CLIC4: variants seen among roughly 807,000 people sequenced by gnomAD.
The protein encoded by CLIC4 is chloride intracellular channel protein 4.
In CLIC4, 13 loss-of-function variants were observed where a neutral mutation model predicts 24.6. The ratio of observed to expected loss-of-function variants is 0.53; its 90% CI spans 0.34 to 0.84. The LOEUF (loss-of-function observed/expected upper bound fraction) is 0.84, where lower values mean the gene tolerates loss of function less well. CLIC4 is among the 40% of genes least tolerant of loss of function. The probability of loss-of-function intolerance (pLI) is 0.01; values close to 1 mark genes in which losing one functional copy is unlikely to be tolerated. For missense variants in CLIC4, 227 were observed against 301.7 expected (o/e 0.75, Z 1.83); for synonymous variants, 104 against 111.3 (o/e 0.93, Z 0.41).
At chr1:24,770,800 G>A (rs1639062128) in intron 1 of CLIC4, among the ~76,000 whole-genome samples, 1 of 151,876 alleles carries the variant, frequency 6.6e-6, no homozygotes, top group Non-Finnish European at 1.5e-5. Flanking sequence ...TGTGAGGCTG[G>A]ACTCATCTTT....
At chr1:24,826,238 T>G (rs1365079033) in intron 3 of CLIC4, among the ~76,000 whole-genome samples, 1 of 152,186 alleles carries the variant, frequency 6.6e-6, no homozygotes, top group Admixed American at 6.5e-5. Context: ...GACATCTCAT[T>G]TTGTTGTTGT....
chr1:24,750,833 C>T (rs762761001), intron 1 of CLIC4, among the ~76,000 whole-genome samples: 48 of 152,124 alleles, frequency 3.2e-4, no homozygotes, highest in Non-Finnish European at 6.5e-4. Flanking sequence ...ATGTCTAGTA[C>T]ACAGTAAGCA....
chr1:24,783,208 A>G (rs1329036706), intron 1 of CLIC4, among the ~76,000 whole-genome samples: 1 of 152,140 alleles, frequency 6.6e-6, no homozygotes, highest in Non-Finnish European at 1.5e-5. Flanking sequence ...ATTTCAATAA[A>G]TTAATCTCTC....
intron 1 of CLIC4, among the ~76,000 whole-genome samples, chr1:24,748,667 T>C (rs1419798519): frequency 1.3e-5 from 2 of 151,840 alleles, no homozygotes; most frequent in East Asian, 3.9e-4. Flanking sequence ...GCCTGGCTGA[T>C]TTTTGTATTT....
At chr1:24,800,789 C>T (rs1318714312) in intron 2 of CLIC4, among the ~76,000 whole-genome samples, 3 of 152,172 alleles carry the variant, frequency 2.0e-5, no homozygotes, top group Non-Finnish European at 2.9e-5. Flanking sequence ...CTCTCTGAAA[C>T]GTGTGCTGTG....
chr1:24,799,239 TGAG>T (rs1639443961), intron 2 of CLIC4, among the ~76,000 whole-genome samples: 1 of 148,970 alleles, frequency 6.7e-6, no homozygotes, highest in South Asian at 2.1e-4. Flanking sequence ...ATCTAGGAAG[TGAG>T]GAGCGTCTCT....
rs116666142 is a variant in CLIC4, at chr1:24,753,348, A to G, written c.72+7723A>G. Among the ~76,000 whole-genome samples the G allele has an allele frequency of 8.5e-3, 1,291 of 152,348 alleles. 21 individuals are homozygous for G. The highest frequency in any genetic ancestry group is 0.03 in the African/African-American group (1,243 of 41,574). On this transcript the variant is annotated intron_variant, in intron 1 of 5. Transcript: ENST00000374379. ...ACTATGGAAGATATAAGAAATTATT[A>G]AACAGTTAATTTCTTTAGGTTTACA... is the stretch of plus-strand genomic sequence containing the variant.
chr1:24,832,215 T>G (rs200049401), intron 4 of CLIC4, among the ~76,000 whole-genome samples: 3,952 of 4,320 alleles, frequency 0.91, 1,811 homozygotes, highest in Middle Eastern at 1. Context: ...TTATTTTTTT[T>G]ATTTTTTATT....
chr1:24,836,848 A>G (rs988126857), intron 4 of CLIC4, among the ~76,000 whole-genome samples: 18 of 152,346 alleles, frequency 1.2e-4, no homozygotes, highest in Middle Eastern at 3.4e-3. Context: ...CAAAAATGAA[A>G]AAAACAAAAG....
intron 2 of CLIC4, among the ~76,000 whole-genome samples, chr1:24,807,865 T>C (rs543054520): frequency 6.6e-6 from 1 of 152,316 alleles, no homozygotes; most frequent in Non-Finnish European, 1.5e-5. Flanking sequence ...ATTATAAAAA[T>C]GTTAATGGAT....
At position 24,797,783 on chromosome 1, in the gene CLIC4, C is replaced by T. The variant is rs11538926; in HGVS notation, c.114C>T (p.Ser38=). 12 of 1,613,298 alleles carry T rather than the reference C, an allele frequency of 7.4e-6. No homozygotes were observed. Among genetic ancestry groups the T allele is most frequent in the South Asian group, 5.5e-5 (5 of 90,930 alleles). Residue 38 remains serine (S), a synonymous_variant, in exon 2 of 6, where the codon TCC becomes TCT. Coordinates refer to ENST00000374379, the MANE Select transcript of CLIC4 (RefSeq NM_013943.3). ...DGESIGNCPF[S]QRLFMILWLK... ...AAAGCATAGGAAACTGCCCCTTTTC[C>T]CAGAGGCTCTTCATGATTCTTTGGC...
intron 1 of CLIC4, among the ~76,000 whole-genome samples, chr1:24,781,541 G>T (rs1051863340): frequency 2.6e-5 from 4 of 152,040 alleles, no homozygotes; most frequent in Non-Finnish European, 5.9e-5. Flanking sequence ...TCACATAAGG[G>T]TCCAGATTTA....
intron 1 of CLIC4, among the ~76,000 whole-genome samples, chr1:24,792,583 A>G (rs1639352841): frequency 6.6e-6 from 1 of 152,202 alleles, no homozygotes; most frequent in African/African-American, 2.4e-5. Flanking sequence ...GACTTTGGAA[A>G]AAGTTGTTCA....
chr1:24,805,122 A>G (rs1173112185), intron 2 of CLIC4, among the ~76,000 whole-genome samples: 2 of 151,628 alleles, frequency 1.3e-5, no homozygotes, highest in African/African-American at 4.8e-5. Flanking sequence ...AACAAAGACA[A>G]ACGAATTATG....
At chr1:24,769,967 CT>C (rs1344158794) in intron 1 of CLIC4, among the ~76,000 whole-genome samples, 1 of 151,938 alleles carries the variant, frequency 6.6e-6, no homozygotes, top group African/African-American at 2.4e-5. Context: ...AGTGATCCTC[CT>C]CCTTTAGCTC....
intron 2 of CLIC4, among the ~76,000 whole-genome samples, chr1:24,799,581 C>A (rs1490660502): frequency 1.3e-5 from 2 of 150,214 alleles, no homozygotes; most frequent in Non-Finnish European, 3.0e-5. Context: ...GGCCAGCCGC[C>A]CCGTCGGGGA....
intron 1 of CLIC4, among the ~76,000 whole-genome samples, chr1:24,761,259 A>G (rs1024588651): frequency 6.6e-5 from 10 of 152,144 alleles, no homozygotes; most frequent in Admixed American, 6.6e-5. Context: ...CATAGAACCT[A>G]TCATCTACTT....
intron 4 of CLIC4, among the ~76,000 whole-genome samples, chr1:24,837,927 T>C (rs973978830): frequency 6.6e-6 from 1 of 152,172 alleles, no homozygotes; most frequent in Non-Finnish European, 1.5e-5. Flanking sequence ...TCTCCTTTAC[T>C]CCATGGTTTC....
intron 1 of CLIC4, among the ~76,000 whole-genome samples, chr1:24,763,489 G>A (rs1324279352): frequency 2.6e-5 from 3 of 117,634 alleles, no homozygotes; most frequent in East Asian, 5.2e-4. Context: ...GCAGTGAATC[G>A]AAATCATGCC....
Sources: gnomAD v4.1 joint callset for allele counts (sites outside exome capture counted in the v4.1 genomes callset) on GRCh38, gnomAD v4.1.1 for gene constraint, MANE v1.5 for transcripts, NCBI Gene and HGNC (gene_info 2026-07-23, HGNC 2026-07-21) for gene names.